MIER3: variants seen among roughly 807,000 people sequenced by gnomAD.
The protein encoded by MIER3 is MIER family member 3.
Under a neutral mutation model 63.2 loss-of-function variants are expected in MIER3, and 9 were observed. That is an observed-to-expected ratio of 0.14 (90% CI 0.09 to 0.25). The LOEUF (loss-of-function observed/expected upper bound fraction) is 0.25, where lower values mean the gene tolerates loss of function less well. Among genes scored for constraint, MIER3 ranks in the 10% least tolerant of loss-of-function variants. The pLI is 1.00. For missense variants in MIER3, 512 were observed against 666.2 expected (o/e 0.77, Z 2.55); for synonymous variants, 205 against 224.9 (o/e 0.91, Z 0.79).
intron 5 of MIER3, among the ~76,000 whole-genome samples, chr5:56,936,000 G>A (rs563042102): frequency 2.0e-5 from 3 of 152,274 alleles, no homozygotes; most frequent in African/African-American, 7.2e-5. Flanking sequence ...GCTGAGGTGG[G>A]TGGATCGCTT....
At chr5:56,941,403 T>C (rs917297844) in intron 3 of MIER3, 2 of 152,236 alleles carry the variant, frequency 1.3e-5, no homozygotes, top group Admixed American at 6.6e-5. Context: ...AGCCCTGAGA[T>C]ACAGAGTAAC....
intron 2 of MIER3, 113 bp downstream of exon 2, chr5:56,950,515 T>A: frequency 1.8e-6 from 2 of 1,141,158 alleles, no homozygotes; most frequent in South Asian, 1.4e-5. Context: ...CTCTTAAAAA[T>A]CAATGAAGAA....
chr5:56,951,127 G>C (rs574280668), intron 1 of MIER3, among the ~76,000 whole-genome samples: 44 of 152,258 alleles, frequency 2.9e-4, no homozygotes, highest in African/African-American at 1.1e-3. Context: ...CTCCGAAGCC[G>C]ATCTCTTCCC....
chr5:56,922,363 G>A lies in MIER3; in HGVS notation c.*765C>T, dbSNP rs1475489507. 1 of 152,504 alleles carries A rather than the reference G, an allele frequency of 6.6e-6. No homozygotes were observed. Among genetic ancestry groups the A allele is most frequent in the Non-Finnish European group, 1.5e-5 (1 of 68,020 alleles). 9.4% of individuals were successfully genotyped at this position (152,504 alleles called of 1,614,324 possible). A position where few individuals can be genotyped will look rare whatever the true frequency, so the allele number is the denominator to read the frequency against. ...AATGCCAAAACTGTAGCCAATAAATGAAGTTACACAGAAATCTCCTGGCAG... is the reference window on the plus strand; with the variant it reads ...AATGCCAAAACTGTAGCCAATAAATAAAGTTACACAGAAATCTCCTGGCAG... On this transcript the variant is annotated 3_prime_UTR_variant, in exon 13 of 13. Coordinates refer to ENST00000381199, the MANE Select transcript of MIER3 (RefSeq NM_001297599.2).
chr5:56,937,713 A>T lies in MIER3; in HGVS notation c.316-15T>A, dbSNP rs1328777042. The T allele has an allele frequency of 3.2e-5, 52 of 1,602,106 alleles. No homozygotes were observed. The highest frequency in any genetic ancestry group is 4.0e-5 in the African/African-American group (3 of 74,552). On this transcript the variant is annotated splice_polypyrimidine_tract_variant and intron_variant, in intron 4 of 12. Coordinates refer to ENST00000381199, the MANE Select transcript of MIER3 (RefSeq NM_001297599.2). ...GCTATTTCCTCCTGGAAGAATAAGA[A>T]GGCAGTGCTACAGTTAGAAATGATT... is the stretch of plus-strand genomic sequence containing the variant.
chr5:56,941,897 G>A (rs1750658713), intron 3 of MIER3, among the ~76,000 whole-genome samples: 1 of 152,100 alleles, frequency 6.6e-6, no homozygotes, highest in African/African-American at 2.4e-5. Flanking sequence ...GAACCAAATG[G>A]GTCACTGGAC....
intron 4 of MIER3, among the ~76,000 whole-genome samples, chr5:56,937,969 G>C (rs1002725796): frequency 6.6e-6 from 1 of 151,806 alleles, no homozygotes; most frequent in African/African-American, 2.4e-5. Context: ...TAAAGCTGTA[G>C]GCTAATTTTT....
intron 5 of MIER3, 37 bp downstream of exon 5, chr5:56,937,541 A>G (rs1388528021): frequency 6.3e-7 from 1 of 1,578,494 alleles, no homozygotes; most frequent in Non-Finnish European, 8.6e-7. Context: ...TACAGTATCA[A>G]TGTTACTATT....
intron 3 of MIER3, among the ~76,000 whole-genome samples, chr5:56,944,887 G>A (rs2112142901): frequency 6.7e-6 from 1 of 148,790 alleles, no homozygotes; most frequent in East Asian, 2.1e-4. Context: ...GGTAGAAACA[G>A]GGTCTCACTA....
intron 2 of MIER3, among the ~76,000 whole-genome samples, chr5:56,950,126 T>C (rs1223260258): frequency 1.3e-5 from 2 of 152,228 alleles, no homozygotes; most frequent in East Asian, 1.9e-4. Flanking sequence ...TTGGAAGTTC[T>C]GTCTTTTTTA....
intron 4 of MIER3, 102 bp from the exon 5 acceptor site, chr5:56,937,800 T>C: frequency 9.6e-6 from 9 of 933,582 alleles, no homozygotes; most frequent in South Asian, 3.9e-5. Flanking sequence ...AGTTGGAACC[T>C]TATGAGAGAA....
chr5:56,935,985 G>A (rs1750429423), intron 5 of MIER3, among the ~76,000 whole-genome samples: 1 of 152,126 alleles, frequency 6.6e-6, no homozygotes, highest in Non-Finnish European at 1.5e-5. Context: ...CTAGCACTTT[G>A]GGAGGCTGAG....
Position 56,923,833 on chromosome 5 carries a change from C to T in MIER3, c.1053G>A (p.Thr351=), listed in dbSNP as rs369881757. Residue 351 remains threonine, a splice_region_variant and synonymous_variant, in exon 12 of 13, where the codon ACG becomes ACA. Transcript: ENST00000381199. The stretch of plus-strand genomic sequence containing the variant: ...CATCTACTAAACGATCCATATAGTC[C>T]CTGAAAAACACACCCCAGTAATTTT... ...KKRYNHHPGV[T]DYMDRLVDET... 6.2e-7 allele frequency: 1 copy of T among 1,614,042 alleles called. No homozygotes were observed. The highest frequency in any genetic ancestry group is 8.5e-7 in the Non-Finnish European group (1 of 1,179,980).
chr5:56,930,778 G>A (rs12657396), intron 8 of MIER3, 33 bp from the exon 9 acceptor site: 171,850 of 1,539,418 alleles, frequency 0.11, 13,096 homozygotes, highest in East Asian at 0.34. Flanking sequence ...AGTATTAAAA[G>A]TTCATACCTA....
At chr5:56,934,858 A>G (rs985823793) in intron 7 of MIER3, among the ~76,000 whole-genome samples, 4 of 152,236 alleles carry the variant, frequency 2.6e-5, no homozygotes, top group Admixed American at 2.6e-4. Flanking sequence ...AGGTTTACCT[A>G]TATTTTTATA....
chr5:56,949,501 T>C (rs77797868), intron 2 of MIER3, among the ~76,000 whole-genome samples: 2,108 of 152,296 alleles, frequency 0.014, 31 homozygotes, highest in Non-Finnish European at 0.022. Context: ...TTTCCTAAAA[T>C]CAGTTATAAC....
intron 3 of MIER3, chr5:56,941,340 G>T: frequency 6.0e-6 from 1 of 167,666 alleles, no homozygotes; most frequent in Non-Finnish European, 1.2e-5. Flanking sequence ...CAAGGCTTTT[G>T]ACAATACACA....
chr5:56,946,792 T>C (rs1750837193), intron 3 of MIER3, 134 bp downstream of exon 3: 3 of 682,656 alleles, frequency 4.4e-6, no homozygotes, highest in East Asian at 3.1e-5. Context: ...GCATACTTAT[T>C]AGGCTATCCC....
chr5:56,935,516 G>C lies in MIER3; in HGVS notation c.523-16C>G. ...TCATTATTTCCTACAGGAAAATTGAGAGGTAAAAATAACTTATTAAAAAAA... is the reference window on the plus strand; with the variant it reads ...TCATTATTTCCTACAGGAAAATTGACAGGTAAAAATAACTTATTAAAAAAA... On this transcript the variant is annotated splice_polypyrimidine_tract_variant and intron_variant, in intron 6 of 12. Transcript: ENST00000381199. 6.4e-7 allele frequency: 1 copy of C among 1,569,962 alleles called. No individual in the cohort carries two copies. Among genetic ancestry groups the C allele is most frequent in the Non-Finnish European group, 8.6e-7 (1 of 1,161,470 alleles).
Sources: gnomAD v4.1 joint callset for allele counts (sites outside exome capture counted in the v4.1 genomes callset) on GRCh38, gnomAD v4.1.1 for gene constraint, MANE v1.5 for transcripts, NCBI Gene and HGNC (gene_info 2026-07-23, HGNC 2026-07-21) for gene names.